The following PPP2R5C variants were observed in gnomAD, a reference collection of about 807,000 sequenced individuals.
The protein encoded by PPP2R5C is serine/threonine-protein phosphatase 2A 56 kDa regulatory subunit gamma isoform.
PPP2R5C carries 7 observed loss-of-function variants against 68.9 expected under a neutral mutation model. The ratio of observed to expected loss-of-function variants is 0.10; its 90% CI spans 0.06 to 0.19. PPP2R5C has a LOEUF of 0.19. Ranked by LOEUF, PPP2R5C falls within the 10% of genes least tolerant of loss-of-function variation. PPP2R5C has a pLI of 1.00. For synonymous variants in PPP2R5C, 210 were observed against 222.2 expected (o/e 0.95, Z 0.49); for missense variants, 348 against 641.3 (o/e 0.54, Z 4.94).
chr14:101,914,893 T>G (rs949201262), intron 12 of PPP2R5C, among the ~76,000 whole-genome samples: 1 of 152,204 alleles, frequency 6.6e-6, no homozygotes, highest in African/African-American at 2.4e-5. Context: ...TCATATGAAA[T>G]GAAGACAGGC....
intron 1 of PPP2R5C, among the ~76,000 whole-genome samples, chr14:101,841,166 A>G (rs1430933892): frequency 6.6e-6 from 1 of 152,182 alleles, no homozygotes; most frequent in Non-Finnish European, 1.5e-5. Flanking sequence ...GCCCAGGGTC[A>G]CTAAGGTAGT....
chr14:101,862,130 G>GGA (rs1296407282), intron 2 of PPP2R5C, among the ~76,000 whole-genome samples: 1 of 152,076 alleles, frequency 6.6e-6, no homozygotes, highest in African/African-American at 2.4e-5. Context: ...TGGCCAGGCT[G>GGA]GTCTCGAACT....
intron 1 of PPP2R5C, among the ~76,000 whole-genome samples, chr14:101,822,508 ACTTACT>A (rs1319340594): frequency 6.6e-6 from 1 of 152,178 alleles, no homozygotes; most frequent in African/African-American, 2.4e-5. Flanking sequence ...TGTTTTTATG[ACTTACT>A]CTTAAACAAC....
At chr14:101,771,746 T>C (rs1307386256) in intron 2 of PPP2R5C, among the ~76,000 whole-genome samples, 1 of 151,802 alleles carries the variant, frequency 6.6e-6, no homozygotes, top group Non-Finnish European at 1.5e-5. Context: ...AACACAAAAA[T>C]GGCCCCCAAG....
intron 9 of PPP2R5C, among the ~76,000 whole-genome samples, chr14:101,903,926 G>C (rs1282957816): frequency 6.6e-6 from 1 of 151,882 alleles, no homozygotes; most frequent in Non-Finnish European, 1.5e-5. Flanking sequence ...CGCCCACCTC[G>C]GCCTCCCAAA....
At chr14:101,800,352 A>G (rs938188433) in intron 3 of PPP2R5C, among the ~76,000 whole-genome samples, 3 of 152,220 alleles carry the variant, frequency 2.0e-5, no homozygotes, top group African/African-American at 7.2e-5. Context: ...ACCTGAGCTC[A>G]GGAGTTTGAG....
intron 1 of PPP2R5C, among the ~76,000 whole-genome samples, chr14:101,826,074 C>T (rs1595282715): frequency 6.6e-6 from 1 of 152,134 alleles, no homozygotes; most frequent in Non-Finnish European, 1.5e-5. Context: ...ATATGTTTTG[C>T]AGATATTTTT....
At chr14:101,786,739 C>T (rs2038105974) in intron 3 of PPP2R5C, among the ~76,000 whole-genome samples, 2 of 152,144 alleles carry the variant, frequency 1.3e-5, no homozygotes, top group South Asian at 4.1e-4. Context: ...CATCTCTTTC[C>T]ATCTCAGGTT....
At chr14:101,822,625 T>G (rs2140280419) in intron 1 of PPP2R5C, among the ~76,000 whole-genome samples, 1 of 152,334 alleles carries the variant, frequency 6.6e-6, no homozygotes, top group African/African-American at 2.4e-5. Context: ...CCATTCTTAT[T>G]TTCTCATTTA....
chr14:101,924,588 G>A (rs2047197663), intron 13 of PPP2R5C, among the ~76,000 whole-genome samples: 3 of 151,440 alleles, frequency 2.0e-5, no homozygotes, highest in African/African-American at 4.9e-5. Flanking sequence ...GATTACAGGC[G>A]CGCGCCACTA....
chr14:101,827,675 A>G (rs1457071357), intron 1 of PPP2R5C, among the ~76,000 whole-genome samples: 2 of 152,208 alleles, frequency 1.3e-5, no homozygotes, highest in Non-Finnish European at 2.9e-5. Context: ...GATGAAATCC[A>G]TTATTTTCCT....
chr14:101,897,490 C>T (rs2045410194), intron 8 of PPP2R5C, among the ~76,000 whole-genome samples: 1 of 151,728 alleles, frequency 6.6e-6, no homozygotes, highest in African/African-American at 2.4e-5. Context: ...GGAAGCCAGG[C>T]CCGTTCCAAA....
intron 9 of PPP2R5C, among the ~76,000 whole-genome samples, chr14:101,903,507 C>T (rs942689856): frequency 2.6e-5 from 4 of 152,166 alleles, no homozygotes; most frequent in Non-Finnish European, 4.4e-5. Flanking sequence ...GTGCCAGGAC[C>T]CACTCAGGCC....
chr14:101,800,789 G>A (rs1039500887), intron 3 of PPP2R5C, among the ~76,000 whole-genome samples: 5 of 152,206 alleles, frequency 3.3e-5, no homozygotes, highest in South Asian at 2.1e-4. Flanking sequence ...TTGCAGCATC[G>A]CTCACAATAG....
chr14:101,911,192 G>A (rs568574296), intron 11 of PPP2R5C, among the ~76,000 whole-genome samples: 13 of 151,986 alleles, frequency 8.6e-5, no homozygotes, highest in Admixed American at 7.2e-4. Context: ...GGAGGATGGC[G>A]TGAACCTGGA....
At chr14:101,780,101 G>A (rs1011111650) in intron 2 of PPP2R5C, among the ~76,000 whole-genome samples, 2 of 152,080 alleles carry the variant, frequency 1.3e-5, no homozygotes, top group Non-Finnish European at 2.9e-5. Flanking sequence ...CTCAGTCATC[G>A]TATTTTATTT....
At chr14:101,853,261 T>A (rs768130213) in intron 1 of PPP2R5C, among the ~76,000 whole-genome samples, 54 of 148,846 alleles carry the variant, frequency 3.6e-4, no homozygotes, top group African/African-American at 1.0e-3. Context: ...AAAATTCTTT[T>A]AAAAAAAAAA....
At chr14:101,761,739 C>T (rs1382718014), upstream of PPP2R5C, 17 of 966,756 alleles carry the variant, frequency 1.8e-5, no homozygotes, top group Non-Finnish European at 2.1e-5. Context: ...CTCTGGGAGT[C>T]TGGAAAAGGG....
chr14:101,763,039 G>A (rs1395746639), intron 2 of PPP2R5C, 69 bp downstream of exon 2: 9 of 1,334,434 alleles, frequency 6.7e-6, no homozygotes, highest in Non-Finnish European at 9.4e-6. Flanking sequence ...AAAACCGAGA[G>A]TGATAAAGCC....
Sources: allele counts gnomAD v4.1 joint callset (sites outside exome capture counted in the v4.1 genomes callset), GRCh38; gene constraint gnomAD v4.1.1; transcripts MANE v1.5; gene names NCBI Gene and HGNC (gene_info 2026-07-23, HGNC 2026-07-21).